The following SFT2D1 variants were observed in gnomAD, a reference collection of about 807,000 sequenced individuals.
SFT2D1 encodes SFT2 domain containing 1.
Under a neutral mutation model 28.1 loss-of-function variants are expected in SFT2D1, and 24 were observed. The observed-to-expected ratio is 0.85, with a 90% confidence interval of 0.62 to 1.20. The LOEUF is 1.20. Among genes scored for constraint, SFT2D1 ranks in the 50% most tolerant of loss-of-function variants. The pLI is 0.00. For synonymous variants in SFT2D1, 82 were observed against 73.7 expected, an observed-to-expected ratio of 1.11 and a Z score of -0.58; for missense variants, 181 against 190.9, an observed-to-expected ratio of 0.95 and a Z score of 0.31.
chr6:166,341,500 CAG>C (rs1022917355), intron 1 of SFT2D1, among the ~76,000 whole-genome samples: 13 of 149,680 alleles, frequency 8.7e-5, no homozygotes, highest in African/African-American at 1.2e-4. Context: ...TGGTAATATA[CAG>C]AGTTACAGAG....
chr6:166,335,789 A>C (rs902213677), intron 1 of SFT2D1, among the ~76,000 whole-genome samples: 6 of 152,242 alleles, frequency 3.9e-5, no homozygotes, highest in Non-Finnish European at 7.3e-5. Context: ...CGGAAAGGAG[A>C]GCCAGAGAAG....
At chr6:166,333,122 T>A (rs1243044825) in intron 1 of SFT2D1, among the ~76,000 whole-genome samples, 1 of 152,068 alleles carries the variant, frequency 6.6e-6, no homozygotes. Context: ...TAGCAGTGGG[T>A]ATAAAAAGTC....
chr6:166,324,197 A>G (rs1778402985), intron 6 of SFT2D1: 1 of 215,070 alleles, frequency 4.6e-6, no homozygotes, highest in African/African-American at 2.3e-5. Flanking sequence ...AGGTAAACTC[A>G]TCTTCCCTTG....
rs1428116218 is a variant in SFT2D1 at position 166,342,355 on chromosome 6, G to T, written c.63+64C>A. The T allele has an allele frequency of 4.1e-6, 6 of 1,468,562 alleles. No homozygotes were observed. In the African/African-American group the frequency reaches 7.0e-5, roughly 17 times the overall value. The allele number at this position is 1,468,562 out of a possible 1,614,324, so 91.0% of individuals were successfully genotyped here. ...TCGCACCCACCCCACCCGCTCGGCC[G>T]GTCCTCAGTGCGGCCGGGGCCAGCG... is the stretch of plus-strand genomic sequence containing the variant. On this transcript the variant is annotated intron_variant, in intron 1 of 7. Transcript: ENST00000361731.
intron 5 of SFT2D1, 42 bp downstream of exon 5, chr6:166,326,090 G>A: frequency 1.3e-6 from 2 of 1,582,060 alleles, no homozygotes; most frequent in Non-Finnish European, 8.7e-7. Context: ...GGGGTGGGGG[G>A]CACACAGTTA....
intron 1 of SFT2D1, among the ~76,000 whole-genome samples, chr6:166,337,004 G>A (rs906159103): frequency 2.0e-5 from 3 of 152,216 alleles, no homozygotes; most frequent in African/African-American, 7.2e-5. Context: ...TCAGACCACA[G>A]CACTGTGAGT....
intron 1 of SFT2D1, among the ~76,000 whole-genome samples, chr6:166,338,079 T>C (rs1778693497): frequency 6.6e-6 from 1 of 152,184 alleles, no homozygotes; most frequent in African/African-American, 2.4e-5. Flanking sequence ...TCAAAACCCG[T>C]AAGAAATAAA....
chr6:166,329,435 TGG>T, intron 3 of SFT2D1, 70 bp downstream of exon 3: 1 of 1,293,310 alleles, frequency 7.7e-7, no homozygotes, highest in South Asian at 1.3e-5. Context: ...AACATCCTAC[TGG>T]GAAAGTGCTT....
intron 4 of SFT2D1, 113 bp downstream of exon 4, chr6:166,328,163 A>T (rs1258978148): frequency 4.9e-6 from 2 of 412,024 alleles, no homozygotes; most frequent in Non-Finnish European, 8.1e-6. Context: ...GTATAATAAT[A>T]AAAAAAAATA....
At position 166,328,258 on chromosome 6, in the gene SFT2D1, A is replaced by G. The variant is rs780891747; in HGVS notation, c.315+18T>C. 6.5e-7 allele frequency: 1 copy of G among 1,527,028 alleles called. No homozygotes were observed. 94.6% of individuals were successfully genotyped at this position (1,527,028 alleles called of 1,614,324 possible). A position where few individuals can be genotyped will look rare whatever the true frequency, so the allele number is the denominator to read the frequency against. On this transcript the variant is annotated intron_variant, in intron 4 of 7. Transcript: ENST00000361731. Reference sequence around the variant, plus strand: ...AGAATACTTCAATAAAAGTTTTAAAAATGTATTATTTACTTACAAGCATAA... The same window carrying G: ...AGAATACTTCAATAAAAGTTTTAAAGATGTATTATTTACTTACAAGCATAA...
At position 166,329,693 on chromosome 6, in the gene SFT2D1, T is replaced by C. The variant is rs1778515494; in HGVS notation, c.151-104A>G. Reference sequence around the variant, plus strand: ...TACAATACCAATATTATGTAATATGTTTAAATACAAATCTGCTTGTAGACA... The same window carrying C: ...TACAATACCAATATTATGTAATATGCTTAAATACAAATCTGCTTGTAGACA... On this transcript the variant is annotated intron_variant, in intron 2 of 7. Coordinates refer to ENST00000361731, the MANE Select transcript of SFT2D1 (RefSeq NM_145169.3). 5.6e-6 allele frequency: 5 copies of C among 899,006 alleles called. No individual in the cohort carries two copies. In the South Asian group the frequency reaches 1.0e-4, roughly 19 times the overall value. 55.7% of individuals were successfully genotyped at this position (899,006 alleles called of 1,614,324 possible). A position where few individuals can be genotyped will look rare whatever the true frequency, so the allele number is the denominator to read the frequency against.
chr6:166,320,891 G>A (rs1778341754), intron 7 of SFT2D1, among the ~76,000 whole-genome samples: 2 of 152,202 alleles, frequency 1.3e-5, no homozygotes, highest in Admixed American at 6.5e-5. Flanking sequence ...ATCACTTGAG[G>A]TCAGGAGTTC....
intron 1 of SFT2D1, 107 bp downstream of exon 1, chr6:166,342,312 A>T (rs1004861986): frequency 5.4e-6 from 5 of 933,356 alleles, no homozygotes; most frequent in Non-Finnish European, 7.7e-6. Flanking sequence ...CGGGCAGAGG[A>T]GTCCCAGACC....
At chr6:166,340,442 C>T (rs1778754700) in intron 1 of SFT2D1, among the ~76,000 whole-genome samples, 1 of 152,208 alleles carries the variant, frequency 6.6e-6, no homozygotes, top group Non-Finnish European at 1.5e-5. Flanking sequence ...CCCCTTCCTG[C>T]TTCACCTTTT....
intron 1 of SFT2D1, among the ~76,000 whole-genome samples, chr6:166,339,026 G>A (rs1315622578): frequency 1.3e-5 from 2 of 151,942 alleles, no homozygotes; most frequent in Non-Finnish European, 2.9e-5. Flanking sequence ...CAATGTGCCC[G>A]CCATCCTGGT....
At chr6:166,332,906 G>C (rs1267109089) in intron 1 of SFT2D1, among the ~76,000 whole-genome samples, 1 of 152,194 alleles carries the variant, frequency 6.6e-6, no homozygotes, top group Non-Finnish European at 1.5e-5. Context: ...CTGAATGAGT[G>C]GCTCCCACAG....
At position 166,329,522 on chromosome 6, in the gene SFT2D1, A is replaced by G. The variant is rs1030666518; in HGVS notation, c.218T>C (p.Leu73Pro). The change falls in exon 3 of 8, where the codon CTT becomes CCT. Residue 73 changes from leucine to proline, a missense_variant. Coordinates refer to ENST00000361731, the MANE Select transcript of SFT2D1 (RefSeq NM_145169.3). ...CCAAACGTACCTGGCTAACGCAGCAAGATTGCCGAGGGTATAAAACACTGC... is the reference window on the plus strand; with the variant it reads ...CCAAACGTACCTGGCTAACGCAGCAGGATTGCCGAGGGTATAAAACACTGC... ...LFAVFYTLGNLAALASTCFLM... is the reference protein window; with the variant it reads ...LFAVFYTLGNPAALASTCFLM... 2 of 1,609,284 alleles carry G rather than the reference A, an allele frequency of 1.2e-6. No individual in the cohort carries two copies. The highest frequency in any genetic ancestry group is 1.7e-6 in the Non-Finnish European group (2 of 1,176,650).
At chr6:166,336,482 T>C (rs1244689469) in intron 1 of SFT2D1, among the ~76,000 whole-genome samples, 1 of 152,178 alleles carries the variant, frequency 6.6e-6, no homozygotes, top group East Asian at 1.9e-4. Flanking sequence ...AAAAAAACAC[T>C]GTAGACTGGG....
chr6:166,337,721 C>T (rs887358554), intron 1 of SFT2D1, among the ~76,000 whole-genome samples: 2 of 152,268 alleles, frequency 1.3e-5, no homozygotes, highest in African/African-American at 4.8e-5. Flanking sequence ...CCATCTTCCA[C>T]GCGGTGATCT....
Sources: allele counts gnomAD v4.1 joint callset (sites outside exome capture counted in the v4.1 genomes callset), GRCh38; gene constraint gnomAD v4.1.1; transcripts MANE v1.5; gene names NCBI Gene and HGNC (gene_info 2026-07-23, HGNC 2026-07-21).